PCDH15: variants seen among roughly 807,000 people sequenced by gnomAD.
PCDH15 encodes the protein protocadherin-15.
PCDH15 carries 129 observed loss-of-function variants against 178.5 expected under a neutral mutation model. The observed-to-expected ratio is 0.72, with a 90% confidence interval of 0.63 to 0.84. The LOEUF is 0.84. Among genes scored for constraint, PCDH15 ranks in the 40% least tolerant of loss-of-function variants. PCDH15 has a pLI of 0.00. For missense variants in PCDH15, 2,230 were observed against 2,099.9 expected (o/e 1.06, Z -1.21); for synonymous variants, 800 against 732.0 (o/e 1.09, Z -1.50).
intron 2 of PCDH15, among the ~76,000 whole-genome samples, chr10:55,451,987 A>G (rs897991953): frequency 1.3e-5 from 2 of 152,204 alleles, no homozygotes; most frequent in African/African-American, 4.8e-5. Flanking sequence ...AGTTATACCA[A>G]TTGTGAATAA....
intron 2 of PCDH15, among the ~76,000 whole-genome samples, chr10:54,599,153 A>C (rs2092397070): frequency 6.6e-6 from 1 of 152,034 alleles, no homozygotes; most frequent in South Asian, 2.1e-4. Context: ...AAAAAAAATC[A>C]ATTTTAAAAT....
At chr10:54,839,162 A>G (rs1231591166) in intron 3 of PCDH15, among the ~76,000 whole-genome samples, 1 of 152,206 alleles carries the variant, frequency 6.6e-6, no homozygotes, top group East Asian at 1.9e-4. Context: ...ATAGAAACTA[A>G]TAAAACTCCT....
At chr10:54,422,338 C>T (rs1955632572) in intron 3 of PCDH15, among the ~76,000 whole-genome samples, 1 of 152,046 alleles carries the variant, frequency 6.6e-6, no homozygotes, top group African/African-American at 2.4e-5. Context: ...TTATAGCCTA[C>T]CCTATTTTGT....
At chr10:53,905,464 G>A (rs185073626) in intron 25 of PCDH15, among the ~76,000 whole-genome samples, 27 of 152,158 alleles carry the variant, frequency 1.8e-4, no homozygotes, top group Admixed American at 9.8e-4. Context: ...GTCCCTAATG[G>A]CTGTGACTAC....
In PCDH15 at chr10:54,022,915, C is replaced by T; in HGVS notation, c.2503G>A (p.Gly835Arg). 6.2e-7 allele frequency: 1 copy of T among 1,613,808 alleles called. No homozygotes were observed. Among genetic ancestry groups the T allele is most frequent in the Non-Finnish European group, 8.5e-7 (1 of 1,179,810 alleles). Reference protein sequence around the residue: ...TVLVEENLPAGTTILQIEAKD... With the variant: ...TVLVEENLPARTTILQIEAKD... ...ACCTCTATTTGAAGGATGGTAGTCC[C>T]AGCTGGCAAATTCTCTTCAACAAGG... Residue 835 changes from glycine (G) to arginine (R), a missense_variant, in exon 19 of 38, where the codon GGG becomes AGG. By Grantham distance (125) the Gly-to-Arg change is moderately radical. Transcript: ENST00000644397.
chr10:54,546,040 G>A (rs887114297), intron 2 of PCDH15, among the ~76,000 whole-genome samples: 1 of 152,198 alleles, frequency 6.6e-6, no homozygotes, highest in Admixed American at 6.5e-5. Context: ...AGAAATTAGT[G>A]CAACACCAGG....
Position 55,060,574 on chromosome 10 carries a change from T to C in PCDH15, c.-80+106002A>G, listed in dbSNP as rs55818544. On this transcript the variant is annotated intron_variant, in intron 2 of 5. Transcript: ENST00000458638. ...AGATCACAAAATTCTAAGAAATATA[T>C]AGATAATTCATATTTCTCTGAATTT... Among the ~76,000 whole-genome samples the C allele has an allele frequency of 4.9e-3, 745 of 152,072 alleles. 3 individuals carry two copies. Among genetic ancestry groups the C allele is most frequent in the African/African-American group, 0.017 (718 of 41,546 alleles).
chr10:55,269,003 T>G (rs1403574253), intron 1 of PCDH15, among the ~76,000 whole-genome samples: 2 of 152,078 alleles, frequency 1.3e-5, no homozygotes, highest in Admixed American at 1.3e-4. Context: ...TAAATGTGAT[T>G]CACCACATAA....
intron 8 of PCDH15, among the ~76,000 whole-genome samples, chr10:54,256,977 A>G (rs1310126186): frequency 1.3e-5 from 2 of 152,070 alleles, no homozygotes. Context: ...AGTACATAAA[A>G]CATTGTCCTG....
chr10:53,971,513 T>G (rs1333923999), intron 21 of PCDH15, among the ~76,000 whole-genome samples: 1 of 152,184 alleles, frequency 6.6e-6, no homozygotes, highest in East Asian at 1.9e-4. Context: ...TTTTTTCAGA[T>G]GACATGATTG....
chr10:55,387,136 T>G (rs2132008998), intron 2 of PCDH15, among the ~76,000 whole-genome samples: 1 of 152,250 alleles, frequency 6.6e-6, no homozygotes, highest in African/African-American at 2.4e-5. Flanking sequence ...AACAAAATAA[T>G]TTCCAAATGG....
At chr10:54,526,523 C>A (rs1403652829) in intron 3 of PCDH15, among the ~76,000 whole-genome samples, 1 of 152,010 alleles carries the variant, frequency 6.6e-6, no homozygotes, top group Non-Finnish European at 1.5e-5. Flanking sequence ...TTTCATATAT[C>A]TTTTACTTTA....
intron 18 of PCDH15, among the ~76,000 whole-genome samples, chr10:54,036,411 C>T (rs1030465116): frequency 1.3e-5 from 2 of 151,834 alleles, no homozygotes; most frequent in Non-Finnish European, 2.9e-5. Context: ...TATTTATTGA[C>T]CATTCTGAAA....
chr10:53,971,118 C>T (rs770636605), intron 21 of PCDH15, among the ~76,000 whole-genome samples: 2 of 152,174 alleles, frequency 1.3e-5, no homozygotes, highest in Non-Finnish European at 2.9e-5. Flanking sequence ...CCCTGGGATG[C>T]AAGGCTGGTT....
intron 8 of PCDH15, among the ~76,000 whole-genome samples, chr10:54,303,229 T>A (rs1274984103): frequency 2.6e-5 from 4 of 152,054 alleles, no homozygotes; most frequent in Non-Finnish European, 5.9e-5. Flanking sequence ...ATTACTGCTG[T>A]CACTTTATTC....
At chr10:54,959,254 A>C (rs1838579077) in intron 2 of PCDH15, among the ~76,000 whole-genome samples, 1 of 152,056 alleles carries the variant, frequency 6.6e-6, no homozygotes, top group Admixed American at 6.6e-5. Flanking sequence ...AAAAATAGGT[A>C]ATGGAAAAAT....
intron 2 of PCDH15, among the ~76,000 whole-genome samples, chr10:55,010,801 A>T (rs77952285): frequency 3.0e-4 from 9 of 30,104 alleles, no homozygotes; most frequent in African/African-American, 5.3e-4. Flanking sequence ...ACAACTTATA[A>T]AAAAAAAAGG....
intron 2 of PCDH15, among the ~76,000 whole-genome samples, chr10:55,458,728 A>G (rs1839606673): frequency 6.6e-6 from 1 of 152,074 alleles, no homozygotes; most frequent in African/African-American, 2.4e-5. Flanking sequence ...CCAATAGGTA[A>G]CAGAGAAAAC....
intron 2 of PCDH15, among the ~76,000 whole-genome samples, chr10:55,510,804 T>G (rs1840863064): frequency 6.7e-6 from 1 of 150,068 alleles, no homozygotes; most frequent in African/African-American, 2.4e-5. Context: ...TATAAGCATA[T>G]GTATTCATTT....
Sources: allele counts gnomAD v4.1 joint callset (sites outside exome capture counted in the v4.1 genomes callset), GRCh38; gene constraint gnomAD v4.1.1; transcripts MANE v1.5; gene names NCBI Gene and HGNC (gene_info 2026-07-23, HGNC 2026-07-21).